Variants in ASB7 observed in about 807,000 individuals in gnomAD.
ASB7 encodes the protein ankyrin repeat and SOCS box protein 7.
ASB7 carries 4 observed loss-of-function variants against 32.5 expected under a neutral mutation model. The observed-to-expected ratio is 0.12, with a 90% CI of 0.06 to 0.28. ASB7 has a LOEUF of 0.28. Ranked by LOEUF, ASB7 falls within the 10% of genes least tolerant of loss-of-function variation. The pLI is 1.00. For missense variants in ASB7, 181 were observed against 407.1 expected, an observed-to-expected ratio of 0.44 and a Z score of 4.78; for synonymous variants, 172 against 155.6, an observed-to-expected ratio of 1.11 and a Z score of -0.78.
At position 100,633,669 on chromosome 15, in the gene ASB7, G is replaced by GAGGA. The variant is rs539857224; in HGVS notation, c.817+3640_817+3643dup. Among the ~76,000 whole-genome samples, 8 of 150,898 alleles carry GAGGA rather than the reference G, an allele frequency of 5.3e-5. 1 individual carries two copies. In the South Asian group the frequency reaches 1.7e-3, roughly 32 times the overall value. Reference sequence around the variant, plus strand: ...AAGAAGGAAGGAGGAAGGAAGGAAGGAGGAAGGAAGGAAGGAGGGGAAGGA... The same window carrying GAGGA: ...AAGAAGGAAGGAGGAAGGAAGGAAGGAGGAAGGAAGGAAGGAAGGAGGGGAAGGA... On this transcript the variant is annotated intron_variant, in intron 5 of 5. Coordinates refer to ENST00000332783, the MANE Select transcript of ASB7 (RefSeq NM_198243.3).
rs2040018892 is a variant in ASB7 at position 100,649,742 on chromosome 15, C to T, written c.*1280C>T. ...TGGAAAAGGTCCCAGAGGCATTAGG[C>T]ATCTAAGAGGATGCCCTCAGAAACG... On this transcript the variant is annotated 3_prime_UTR_variant, in exon 6 of 6. Coordinates refer to ENST00000332783, the MANE Select transcript of ASB7 (RefSeq NM_198243.3). The T allele has an allele frequency of 6.6e-6, 1 of 152,218 alleles. No individual in the cohort carries two copies. Among genetic ancestry groups the T allele is most frequent in the Admixed American group, 6.5e-5 (1 of 15,284 alleles). The allele number at this position is 152,218 out of a possible 1,614,324, so 9.4% of individuals were successfully genotyped here.
intron 4 of ASB7, among the ~76,000 whole-genome samples, chr15:100,628,396 A>G (rs776113267): frequency 6.6e-6 from 1 of 152,168 alleles, no homozygotes; most frequent in African/African-American, 2.4e-5. Context: ...GTGTGTATGT[A>G]TGTGTAGGTG....
intron 5 of ASB7, among the ~76,000 whole-genome samples, chr15:100,640,276 T>C (rs2039952185): frequency 6.6e-6 from 1 of 152,042 alleles, no homozygotes; most frequent in African/African-American, 2.4e-5. Context: ...TCCTGAGTAG[T>C]TGGGACTACA....
intron 4 of ASB7, among the ~76,000 whole-genome samples, chr15:100,617,628 G>C (rs1436905779): frequency 6.6e-6 from 1 of 152,244 alleles, no homozygotes; most frequent in Non-Finnish European, 1.5e-5. Flanking sequence ...TCCCTGCTAT[G>C]TGATACTGTT....
At chr15:100,618,967 A>G (rs1388774282) in intron 4 of ASB7, among the ~76,000 whole-genome samples, 2 of 152,210 alleles carry the variant, frequency 1.3e-5, no homozygotes, top group Admixed American at 6.5e-5. Context: ...AATTCACCCA[A>G]GGTCATTACT....
Position 100,649,178 on chromosome 15 carries a change from C to T in ASB7, c.*716C>T, listed in dbSNP as rs765226975. 2.6e-5 allele frequency: 4 copies of T among 152,366 alleles called. No individual in the cohort carries two copies. In the East Asian group the frequency reaches 5.8e-4, roughly 22 times the overall value. 9.4% of individuals were successfully genotyped at this position (152,366 alleles called of 1,614,324 possible). ...AGAGTTGTACTTTTAAAAAAATTAA[C>T]GGGAAAGAAAATAACTTTGTGAAGC... On this transcript the variant is annotated 3_prime_UTR_variant, in exon 6 of 6. Transcript: ENST00000332783.
rs2039568922 is a variant in ASB7, at chr15:100,602,970, G to A, written c.-349G>A. On this transcript the variant is annotated 5_prime_UTR_variant, in exon 1 of 6. Coordinates refer to ENST00000332783, the MANE Select transcript of ASB7 (RefSeq NM_198243.3). ...AACACCAGGGTCCGGCCCTGCCTGG[G>A]GTATTTCTTCAATGGAGAAGTTGGT... 2 of 399,006 alleles carry A rather than the reference G, an allele frequency of 5.0e-6. No homozygotes were observed. Among genetic ancestry groups the A allele is most frequent in the Non-Finnish European group, 8.8e-6 (2 of 226,446 alleles). The allele number at this position is 399,006 out of a possible 1,614,324, so 24.7% of individuals were successfully genotyped here.
chr15:100,603,052 GTCCTTTACTTC>G lies in ASB7; in HGVS notation c.-273+7_-273+17del. ...AGCAGCAGCTGAGGAGACAGGTAAA[GTCCTTTACTTC>G]CCCCGAGGGGAAGAGTGCTGGCTGG... On this transcript the variant is annotated splice_region_variant and intron_variant, in intron 1 of 5. Transcript: ENST00000332783. The G allele has an allele frequency of 2.5e-6, 1 of 399,390 alleles. No homozygotes were observed. 24.7% of individuals were successfully genotyped at this position (399,390 alleles called of 1,614,324 possible).
At chr15:100,622,199 A>G (rs2039798193) in intron 4 of ASB7, among the ~76,000 whole-genome samples, 1 of 10,620 alleles carries the variant, frequency 9.4e-5, no homozygotes. Context: ...TATAATAGCT[A>G]CAAAAAGAAA....
At chr15:100,611,214 T>C (rs976934085) in intron 3 of ASB7, among the ~76,000 whole-genome samples, 2 of 151,994 alleles carry the variant, frequency 1.3e-5, no homozygotes, top group African/African-American at 4.8e-5. Context: ...CTGGCTAATT[T>C]TTTAATTTTG....
At chr15:100,631,962 T>A (rs2039886497) in intron 5 of ASB7, among the ~76,000 whole-genome samples, 1 of 152,194 alleles carries the variant, frequency 6.6e-6, no homozygotes, top group East Asian at 1.9e-4. Flanking sequence ...TTCAACCCTG[T>A]ATACAACTGT....
Position 100,649,424 on chromosome 15 carries a change from C to T in ASB7, c.*962C>T, listed in dbSNP as rs2040016807. On this transcript the variant is annotated 3_prime_UTR_variant, in exon 6 of 6. Transcript: ENST00000332783. ...TTCACTTTAAGCAGAAAATTTTGTA[C>T]CCTGGTGGTCGAGTCTTCCCTTAAA... The T allele has an allele frequency of 6.6e-6, 1 of 152,092 alleles. No individual in the cohort carries two copies. Among genetic ancestry groups the T allele is most frequent in the South Asian group, 2.1e-4 (1 of 4,826 alleles). 9.4% of individuals were successfully genotyped at this position (152,092 alleles called of 1,614,324 possible). A position where few individuals can be genotyped will look rare whatever the true frequency, so the allele number is the denominator to read the frequency against.
chr15:100,616,119 G>A (rs1369078661), intron 4 of ASB7, among the ~76,000 whole-genome samples: 1 of 152,158 alleles, frequency 6.6e-6, no homozygotes, highest in Non-Finnish European at 1.5e-5. Flanking sequence ...TGCTAGTGAT[G>A]TACTTACCAG....
chr15:100,628,554 A>C (rs1051751540), intron 4 of ASB7, among the ~76,000 whole-genome samples: 14 of 152,238 alleles, frequency 9.2e-5, no homozygotes, highest in African/African-American at 3.4e-4. Context: ...GGTGCCCGGC[A>C]TAACCAGTCC....
intron 4 of ASB7, among the ~76,000 whole-genome samples, chr15:100,624,191 T>C (rs1597004536): frequency 6.6e-6 from 1 of 152,210 alleles, no homozygotes; most frequent in South Asian, 2.1e-4. Flanking sequence ...GAGAGGTTGG[T>C]TAATGGGTTC....
At chr15:100,616,063 T>A (rs1306835205) in intron 4 of ASB7, among the ~76,000 whole-genome samples, 2 of 152,242 alleles carry the variant, frequency 1.3e-5, no homozygotes, top group Non-Finnish European at 2.9e-5. Flanking sequence ...TGTCATCATT[T>A]TATGTCCTTA....
chr15:100,634,594 G>A (rs539031401), intron 5 of ASB7, among the ~76,000 whole-genome samples: 33 of 152,200 alleles, frequency 2.2e-4, no homozygotes, highest in African/African-American at 6.7e-4. Context: ...ACTTGAGGCC[G>A]GGAGTTAGAG....
At chr15:100,635,173 A>G (rs546983413) in intron 5 of ASB7, among the ~76,000 whole-genome samples, 297 of 152,308 alleles carry the variant, frequency 1.9e-3, no homozygotes, top group South Asian at 7.0e-3. Context: ...TGACACCCAC[A>G]TCTGTACTGT....
rs2040021467 is a variant in ASB7, at chr15:100,650,129, T to C, written c.*1667T>C. The C allele has an allele frequency of 6.6e-6, 1 of 152,374 alleles. No homozygotes were observed. The highest frequency in any genetic ancestry group is 2.1e-4 in the South Asian group (1 of 4,832). The allele number at this position is 152,374 out of a possible 1,614,324, so 9.4% of individuals were successfully genotyped here. The stretch of plus-strand genomic sequence containing the variant: ...TCAGAGAAGAGGATTATTCGGGAGA[T>C]TGCTGGTGTGGCCCATAGACTCTTT... On this transcript the variant is annotated 3_prime_UTR_variant, in exon 6 of 6. Transcript: ENST00000332783.
Sources: allele counts gnomAD v4.1 joint callset (sites outside exome capture counted in the v4.1 genomes callset), GRCh38; gene constraint gnomAD v4.1.1; transcripts MANE v1.5; gene names NCBI Gene and HGNC (gene_info 2026-07-23, HGNC 2026-07-21).